The following MATCAP1 variants were observed in gnomAD, a reference collection of about 807,000 sequenced individuals.
MATCAP1 encodes the protein microtubule-associated tyrosine carboxypeptidase 1.
the MATCAP1 span, chr16:67,176,721 G>A: frequency 8.0e-7 from 1 of 1,246,206 alleles, no homozygotes; most frequent in Non-Finnish European, 1.1e-6. The surrounding 1 kb of genome is among the most constrained non-coding windows in gnomAD (Gnocchi z 4.3). Context: ...AAACACCTAG[G>A]CCGTGGACGC....
the MATCAP1 span, chr16:67,178,282 A>C: frequency 6.3e-7 from 1 of 1,575,180 alleles, no homozygotes; most frequent in Non-Finnish European, 8.6e-7. Flanking sequence ...GTAGCGCTCC[A>C]GGTCCTGGAA....
the MATCAP1 span, chr16:67,178,127 G>T: frequency 6.2e-7 from 1 of 1,602,748 alleles, no homozygotes; most frequent in Admixed American, 1.7e-5. Flanking sequence ...CAGGAGGGCG[G>T]TGAGCCCCGC....
At chr16:67,178,010 C>T in the MATCAP1 span, 1 of 1,613,256 alleles carries the variant, frequency 6.2e-7, no homozygotes. Context: ...AGCCCCTCAC[C>T]TTGCCCAGTG....
At chr16:67,180,156 C>T in the MATCAP1 span, 23 of 1,614,224 alleles carry the variant, frequency 1.4e-5, no homozygotes, top group East Asian at 8.9e-5. Flanking sequence ...GAACTTGTCT[C>T]GCTCACGGTC....
At chr16:67,182,421 G>A in the MATCAP1 span, among the ~76,000 whole-genome samples, 28 of 152,162 alleles carry the variant, frequency 1.8e-4, no homozygotes, top group African/African-American at 4.8e-4. Context: ...CTCCATTTAC[G>A]TTCACTCCCT....
the MATCAP1 span, chr16:67,177,946 C>T: frequency 6.9e-7 from 1 of 1,450,778 alleles, no homozygotes. Flanking sequence ...CAATCCGAGG[C>T]TCAGGGAATT....
At chr16:67,180,106 G>C in the MATCAP1 span, 5 of 1,614,168 alleles carry the variant, frequency 3.1e-6, no homozygotes, top group Non-Finnish European at 4.2e-6. Flanking sequence ...ATGGGCTCCT[G>C]GTACTCAAAC....
At chr16:67,179,852 ACAATCGAC>A in the MATCAP1 span, 2 of 1,614,220 alleles carry the variant, frequency 1.2e-6, no homozygotes, top group Non-Finnish European at 1.7e-6. The surrounding 1 kb of genome is among the most constrained non-coding windows in gnomAD (Gnocchi z 5.2). Flanking sequence ...GTATTTGCGC[ACAATCGAC>A]CATATCTGGC....
the MATCAP1 span, chr16:67,178,568 G>T: frequency 7.2e-7 from 1 of 1,389,518 alleles, no homozygotes; most frequent in Non-Finnish European, 9.9e-7. Context: ...TGCGAGCCCA[G>T]CCCTGGCCCT....
chr16:67,177,032 T>C, the MATCAP1 span: 1 of 1,444,468 alleles, frequency 6.9e-7, no homozygotes, highest in African/African-American at 1.5e-5. Context: ...TTCAGGTAGC[T>C]GGTCCCAGCC....
chr16:67,181,820 T>C, the MATCAP1 span: 1 of 152,292 alleles, frequency 6.6e-6, no homozygotes, highest in Non-Finnish European at 1.5e-5. Flanking sequence ...CAGTCTCCAG[T>C]TCCTTTTTTC....
the MATCAP1 span, chr16:67,180,413 G>C: frequency 1.9e-6 from 3 of 1,612,324 alleles, no homozygotes; most frequent in African/African-American, 2.7e-5. Flanking sequence ...GCATCTGTGA[G>C]AACGGCTGCT....
the MATCAP1 span, among the ~76,000 whole-genome samples, chr16:67,181,028 AAAGC>A: frequency 6.6e-6 from 1 of 152,302 alleles, no homozygotes; most frequent in South Asian, 2.1e-4. Context: ...CACCCAGCCG[AAAGC>A]AAGAGTTTTA....
chr16:67,180,001 G>A, the MATCAP1 span: 18 of 1,613,084 alleles, frequency 1.1e-5, no homozygotes, highest in East Asian at 2.2e-5. Context: ...AAGCCCCTTG[G>A]GTGGTCAGGG....
chr16:67,176,994 C>A, the MATCAP1 span: 34 of 1,532,406 alleles, frequency 2.2e-5, no homozygotes, highest in Non-Finnish European at 3.0e-5. This position sits in a 1 kb window ranked among gnomAD's most constrained non-coding sequence, Gnocchi z 4.3. Context: ...GGAAGCCGGG[C>A]ATCAGGCATA....
the MATCAP1 span, chr16:67,176,758 G>A: frequency 2.7e-6 from 4 of 1,465,652 alleles, no homozygotes; most frequent in South Asian, 1.4e-5. The surrounding 1 kb of genome is among the most constrained non-coding windows in gnomAD (Gnocchi z 4.3). Context: ...CATGTTCTAG[G>A]GGCCTATCTG....
the MATCAP1 span, among the ~76,000 whole-genome samples, chr16:67,177,561 T>C: frequency 1.3e-5 from 2 of 152,180 alleles, no homozygotes; most frequent in East Asian, 1.9e-4. Context: ...CTCCCTTCCC[T>C]AGTCCTCTCT....
the MATCAP1 span, chr16:67,178,122 G>C: frequency 6.2e-7 from 1 of 1,607,500 alleles, no homozygotes; most frequent in Non-Finnish European, 8.5e-7. Context: ...GAGGGCAGGA[G>C]GGCGGTGAGC....
the MATCAP1 span, chr16:67,180,805 G>A: frequency 3.5e-5 from 15 of 429,648 alleles, 1 homozygote; most frequent in African/African-American, 2.2e-4. Flanking sequence ...TGGCTGCAGC[G>A]TCCATTGCCT....
Sources: allele counts gnomAD v4.1 joint callset (sites outside exome capture counted in the v4.1 genomes callset), GRCh38; gene constraint gnomAD v4.1.1; non-coding constraint Gnocchi (gnomAD v3.1); transcripts MANE v1.5; gene names NCBI Gene and HGNC (gene_info 2026-07-23, HGNC 2026-07-21).